TESK1: variants seen among roughly 807,000 people sequenced by gnomAD.
TESK1 encodes dual specificity testis-specific protein kinase 1.
TESK1 carries 18 observed loss-of-function variants against 59.9 expected under a neutral mutation model. That is an observed-to-expected ratio of 0.30 (90% CI 0.21 to 0.45). TESK1 has a LOEUF of 0.45. TESK1 is among the 20% of genes least tolerant of loss of function. TESK1 has a pLI of 1.00. For missense variants in TESK1, 748 were observed against 840.9 expected (o/e 0.89, Z 1.37); for synonymous variants, 341 against 357.4 (o/e 0.95, Z 0.52).
rs1013394024 is a variant in TESK1, at chr9:35,610,027, G to A, written c.*285G>A. On this transcript the variant is annotated 3_prime_UTR_variant, in exon 10 of 10. Coordinates refer to ENST00000336395, the MANE Select transcript of TESK1 (RefSeq NM_006285.3). ...AAAACTGCCTGGCTGGCTCCGGGCCGCCCCTATCCGCTCAGCCCGTGCGCC... is the reference window on the plus strand; with the variant it reads ...AAAACTGCCTGGCTGGCTCCGGGCCACCCCTATCCGCTCAGCCCGTGCGCC... 5.4e-5 allele frequency: 21 copies of A among 385,624 alleles called. No homozygotes were observed. The highest frequency in any genetic ancestry group is 8.8e-5 in the Admixed American group (2 of 22,788). 23.9% of individuals were successfully genotyped at this position (385,624 alleles called of 1,614,324 possible). A position where few individuals can be genotyped will look rare whatever the true frequency, so the allele number is the denominator to read the frequency against.
Position 35,605,776 on chromosome 9 carries a change from CGT to C in TESK1, c.161_162del (p.Val54GlyfsTer16), listed in dbSNP as rs753469150. On this transcript the variant is annotated frameshift_variant, in exon 1 of 10. Transcript: ENST00000336395. LOFTEE classifies it high-confidence loss of function. ...ALRSAVSSLARVDDFHCAEKI... is the reference protein window; with the variant it reads ...ALRSAVSSLAXVDDFHCAEKI... ...CCGCAGCGCCGTGTCTAGCCTGGCG[CGT>C]GTGGACGATTTTCACTGCGCGGAGA... 1 of 1,610,614 alleles carries C rather than the reference CGT, an allele frequency of 6.2e-7. No individual in the cohort carries two copies. Among genetic ancestry groups the C allele is most frequent in the Non-Finnish European group, 8.5e-7 (1 of 1,179,076 alleles).
chr9:35,607,695 C>T lies in TESK1; in HGVS notation c.711+23C>T, dbSNP rs1191830282. On this transcript the variant is annotated intron_variant, in intron 6 of 9. Coordinates refer to ENST00000336395, the MANE Select transcript of TESK1 (RefSeq NM_006285.3). The surrounding 1 kb of genome is among the most constrained non-coding windows in gnomAD (Gnocchi z 4.5). ...AAGGTGAGACATCAACCCTTCAGAT[C>T]CCCAAGGCCTTCCGAGACCCTTGAG... The T allele has an allele frequency of 4.4e-6, 7 of 1,590,252 alleles. No individual in the cohort carries two copies. The highest frequency in any genetic ancestry group is 1.1e-5 in the South Asian group (1 of 90,488).
chr9:35,606,103 A>C lies in TESK1; in HGVS notation c.339A>C (p.Leu113=). ...LMNRLRHPNI[L]RFMGVCVHQG... ...ACCGGCTCAGGCACCCCAACATCCTAAGGTGAGCGGCCCCAGTCTCTGGGC... is the reference window on the plus strand; with the variant it reads ...ACCGGCTCAGGCACCCCAACATCCTCAGGTGAGCGGCCCCAGTCTCTGGGC... Residue 113 remains leucine (L), a splice_region_variant and synonymous_variant, in exon 2 of 10, where the codon CTA becomes CTC. Coordinates refer to ENST00000336395, the MANE Select transcript of TESK1 (RefSeq NM_006285.3). The C allele has an allele frequency of 6.2e-7, 1 of 1,614,088 alleles. No homozygotes were observed. The highest frequency in any genetic ancestry group is 2.2e-5 in the East Asian group (1 of 44,850).
In TESK1 at chr9:35,605,707, G is replaced by A. The variant is rs1295727324; in HGVS notation, c.88G>A (p.Gly30Ser). Residue 30 changes from glycine (G) to serine (S), a missense_variant, in exon 1 of 10, where the codon GGC becomes AGC. Physicochemically the swap from Gly to Ser is moderately conservative, Grantham distance 56. Transcript: ENST00000336395. ...GEGPPGPGGT[G>S]GGPGRGRPSS... ...GGGGCCCCCGGGGCCGGGGGGCACG[G>A]GCGGAGGCCCGGGCCGGGGCCGCCC... The A allele has an allele frequency of 2.0e-6, 3 of 1,528,380 alleles. No homozygotes were observed. Among genetic ancestry groups the A allele is most frequent in the Middle Eastern group, 2.1e-4 (1 of 4,730 alleles). 94.7% of individuals were successfully genotyped at this position (1,528,380 alleles called of 1,614,324 possible). A position where few individuals can be genotyped will look rare whatever the true frequency, so the allele number is the denominator to read the frequency against.
intron 8 of TESK1, 52 bp from the exon 9 acceptor site, chr9:35,608,341 CAG>C: frequency 2.5e-6 from 4 of 1,609,934 alleles, no homozygotes; most frequent in Non-Finnish European, 3.4e-6. Flanking sequence ...GGAGGAAACT[CAG>C]AGACCCTCTT....
Position 35,608,406 on chromosome 9 carries a change from C to T in TESK1, c.897C>T (p.Ser299=), listed in dbSNP as rs768557596. The T allele has an allele frequency of 1.7e-5, 27 of 1,614,032 alleles. No homozygotes were observed. The Admixed American group carries it at 3.2e-4, about 19-fold the overall frequency. Residue 299 remains serine, a synonymous_variant, in exon 9 of 10, where the codon AGC becomes AGT. Coordinates refer to ENST00000336395, the MANE Select transcript of TESK1 (RefSeq NM_006285.3). ...LAIHCCNLEP[S]TRAPFTEITQ... ...TCTCTACCCATCAGCTGGAACCCAGCACCCGTGCCCCCTTCACCGAAATTA... is the reference window on the plus strand; with the variant it reads ...TCTCTACCCATCAGCTGGAACCCAGTACCCGTGCCCCCTTCACCGAAATTA...
Position 35,609,082 on chromosome 9 carries a change from A to G in TESK1, c.1221A>G (p.Pro407=). Residue 407 remains proline (P), a synonymous_variant, in exon 10 of 10, where the codon CCA becomes CCG. Transcript: ENST00000336395. This position sits in a 1 kb window ranked among gnomAD's most constrained non-coding sequence, Gnocchi z 6.7. ...GCAAGCCAGTCCTGCCTCTTGTGCC[A>G]CCATCACCATTCCCATCCACTCAGC... ...TPSKPVLPLV[P]PSPFPSTQLP... is the part of the protein sequence containing the mutation. 1 of 1,614,116 alleles carries G rather than the reference A, an allele frequency of 6.2e-7. No individual in the cohort carries two copies.
chr9:35,606,741 C>G (rs7028425), intron 3 of TESK1, 96 bp from the exon 4 acceptor site: 517,690 of 1,303,232 alleles, frequency 0.4, 103,878 homozygotes, highest in Admixed American at 0.48. Context: ...CCTATGACCT[C>G]TGTGATCCTC....
Position 35,608,879 on chromosome 9 carries a change from G to A in TESK1, c.1018G>A (p.Gly340Ser), listed in dbSNP as rs1431537007. The A allele has an allele frequency of 2.1e-5, 34 of 1,591,116 alleles. No individual in the cohort carries two copies. Among genetic ancestry groups the A allele is most frequent in the Non-Finnish European group, 2.7e-5 (32 of 1,167,762 alleles). The change falls in exon 10 of 10, where the codon GGT becomes AGT. Residue 340 changes from glycine (G) to serine (S), a missense_variant. Coordinates refer to ENST00000336395, the MANE Select transcript of TESK1 (RefSeq NM_006285.3). ...THNQGSVARG[G>S]PSATLPRPDP... ...ATCTACAGGCTCTGTTGCAAGAGGG[G>A]GTCCCTCTGCCACGCTTCCCAGGCC...
rs781079474 is a variant in TESK1 at position 35,609,690 on chromosome 9, A to G, written c.1829A>G (p.His610Arg). ...EAGSLLCHRG[H>R]HAKPPTPSLQ... ...GGCAGTCTCCTCTGCCACCGAGGGCACCACGCCAAGCCACCCACACCCAGC... is the reference window on the plus strand; with the variant it reads ...GGCAGTCTCCTCTGCCACCGAGGGCGCCACGCCAAGCCACCCACACCCAGC... Residue 610 changes from histidine to arginine, a missense_variant, in exon 10 of 10, where the codon CAC becomes CGC. By Grantham distance (29) the His-to-Arg change is conservative (BLOSUM62 0). Around this residue, in one of 3 missense-constraint regions of TESK1, gnomAD observed 447 missense variants for 466.1 expected, o/e 0.96. Coordinates refer to ENST00000336395, the MANE Select transcript of TESK1 (RefSeq NM_006285.3). The surrounding 1 kb of genome is among the most constrained non-coding windows in gnomAD (Gnocchi z 6.7). 1.2e-6 allele frequency: 2 copies of G among 1,601,446 alleles called. No homozygotes were observed. Among genetic ancestry groups the G allele is most frequent in the Non-Finnish European group, 1.7e-6 (2 of 1,179,786 alleles).
Position 35,608,826 on chromosome 9 carries a change from G to C in TESK1, c.1001-36G>C, listed in dbSNP as rs766420933. Reference sequence around the variant, plus strand: ...GGCCCTCAAGGAGCTGTGATCAAATGCTGAGGACAGTGATTCCAGACTTCT... The same window carrying C: ...GGCCCTCAAGGAGCTGTGATCAAATCCTGAGGACAGTGATTCCAGACTTCT... On this transcript the variant is annotated intron_variant, in intron 9 of 9. Transcript: ENST00000336395. 5 of 1,543,962 alleles carry C rather than the reference G, an allele frequency of 3.2e-6. No individual in the cohort carries two copies. The East Asian group carries it at 1.1e-4, about 35-fold the overall frequency.
At position 35,607,600 on chromosome 9, in the gene TESK1, G is replaced by A; in HGVS notation, c.639G>A (p.Glu213=). Reference sequence around the variant, plus strand: ...CCTGCAGGGAGGGGGCAAGGAAGGAGCCATTGGCCGTGGTGGGCTCCCCAT... The same window carrying A: ...CCTGCAGGGAGGGGGCAAGGAAGGAACCATTGGCCGTGGTGGGCTCCCCAT... ...IPVYREGARK[E]PLAVVGSPYW... Residue 213 remains glutamate (E), a synonymous_variant, in exon 6 of 10, where the codon GAG becomes GAA. Transcript: ENST00000336395. This position sits in a 1 kb window ranked among gnomAD's most constrained non-coding sequence, Gnocchi z 4.5. 1.2e-6 allele frequency: 2 copies of A among 1,614,002 alleles called. No homozygotes were observed. Among genetic ancestry groups the A allele is most frequent in the African/African-American group, 2.7e-5 (2 of 75,038 alleles).
rs372674368 is a variant in TESK1, at chr9:35,605,767, A to G, written c.148A>G (p.Ser50Gly). ...CCGGGCTCTCCGCAGCGCCGTGTCT[A>G]GCCTGGCGCGTGTGGACGATTTTCA... Reference protein sequence around the residue: ...SYRALRSAVSSLARVDDFHCA... With the variant: ...SYRALRSAVSGLARVDDFHCA... The change falls in exon 1 of 10, where the codon AGC (serine) becomes GGC (glycine). Residue 50 changes from serine to glycine, a missense_variant. Physicochemically the swap from Ser to Gly is moderately conservative, Grantham distance 56. Coordinates refer to ENST00000336395, the MANE Select transcript of TESK1 (RefSeq NM_006285.3). The G allele has an allele frequency of 6.2e-7, 1 of 1,609,460 alleles. No homozygotes were observed. The highest frequency in any genetic ancestry group is 8.5e-7 in the Non-Finnish European group (1 of 1,178,576).
chr9:35,606,705 G>C, intron 3 of TESK1, 132 bp from the exon 4 acceptor site: 2 of 785,436 alleles, frequency 2.5e-6, no homozygotes, highest in South Asian at 2.4e-5. Flanking sequence ...ACATGGATGG[G>C]GGGGGTCCTA....
At position 35,605,984 on chromosome 9, in the gene TESK1, G is replaced by A. The variant is rs773627237; in HGVS notation, c.220G>A (p.Val74Ile). 6.2e-7 allele frequency: 1 copy of A among 1,613,618 alleles called. No homozygotes were observed. Among genetic ancestry groups the A allele is most frequent in the Non-Finnish European group, 8.5e-7 (1 of 1,179,966 alleles). ...CCTCGCCGGCTGCTCCTGCCCCCAG[G>A]TTCGGCACCGACAGTCAGGGCAAGT... ...GAGFFSEVYK[V>I]RHRQSGQVMV... Residue 74 changes from valine to isoleucine, a missense_variant and splice_region_variant, in exon 2 of 10, where the codon GTT (valine) becomes ATT (isoleucine). Around this residue, in one of 3 missense-constraint regions of TESK1, gnomAD observed 133 missense variants for 117.4 expected, o/e 1.13. Transcript: ENST00000336395.
chr9:35,605,817 C>T lies in TESK1; in HGVS notation c.198C>T (p.Gly66=). 1.9e-6 allele frequency: 3 copies of T among 1,611,832 alleles called. No homozygotes were observed. The highest frequency in any genetic ancestry group is 1.7e-5 in the Admixed American group (1 of 59,924). The change falls in exon 1 of 10, where the codon GGC becomes GGT. Residue 66 remains glycine (G), a synonymous_variant. Coordinates refer to ENST00000336395, the MANE Select transcript of TESK1 (RefSeq NM_006285.3). The part of the protein sequence containing the change: ...DFHCAEKIGA[G]FFSEVYKVRH... ...ACTGCGCGGAGAAGATCGGGGCCGG[C>T]TTCTTCTCTGAGGTCTACAAGGTAG...
chr9:35,606,735 T>G, intron 3 of TESK1, 102 bp from the exon 4 acceptor site: 2 of 1,226,120 alleles, frequency 1.6e-6, no homozygotes, highest in Non-Finnish European at 2.3e-6. Flanking sequence ...CTTACCCCTA[T>G]GACCTCTGTG....
Position 35,607,907 on chromosome 9 carries a change from A to T in TESK1, c.712-21A>T, listed in dbSNP as rs1461616557. Reference sequence around the variant, plus strand: ...TGAAAACTGTTAATTCTTCCCCGACACTATTATCTCTGACCCCCAGGCTGA... The same window carrying T: ...TGAAAACTGTTAATTCTTCCCCGACTCTATTATCTCTGACCCCCAGGCTGA... On this transcript the variant is annotated intron_variant, in intron 6 of 9. Coordinates refer to ENST00000336395, the MANE Select transcript of TESK1 (RefSeq NM_006285.3). The surrounding 1 kb of genome is among the most constrained non-coding windows in gnomAD (Gnocchi z 4.5). 2 of 1,611,384 alleles carry T rather than the reference A, an allele frequency of 1.2e-6. No homozygotes were observed. The highest frequency in any genetic ancestry group is 8.5e-7 in the Non-Finnish European group (1 of 1,178,962).
At chr9:35,608,754 C>G in intron 9 of TESK1, 108 bp from the exon 10 acceptor site, 1 of 1,337,546 alleles carries the variant, frequency 7.5e-7, no homozygotes, top group Non-Finnish European at 1.0e-6. Flanking sequence ...CCAGGTGGGA[C>G]TCCCTTTTTC....
Sources: gnomAD v4.1 joint callset for allele counts on GRCh38, gnomAD v4.1.1 for gene constraint, gnomAD v4.1.1 regional missense constraint, Gnocchi (gnomAD v3.1) non-coding constraint, MANE v1.5 for transcripts, NCBI Gene and HGNC (gene_info 2026-07-23, HGNC 2026-07-21) for gene names.